Variants in BTBD2 observed in about 807,000 individuals in gnomAD.
The protein encoded by BTBD2 is BTB/POZ domain-containing protein 2.
A neutral mutation model predicts 44.0 loss-of-function variants in BTBD2; 15 were observed. That is an observed-to-expected ratio of 0.34 (90% confidence interval 0.23 to 0.53). The LOEUF is 0.53. Among genes scored for constraint, BTBD2 ranks in the 20% least tolerant of loss-of-function variants. The probability of loss-of-function intolerance (pLI) is 0.95; values close to 1 mark genes in which losing one functional copy is unlikely to be tolerated. For synonymous variants in BTBD2, 443 were observed against 335.9 expected (o/e 1.32, Z -3.49); for missense variants, 657 against 746.4 (o/e 0.88, Z 1.39).
At chr19:1,987,818 C>A (rs2016114133) in intron 5 of BTBD2, 126 bp from the exon 6 acceptor site, 2 of 1,006,386 alleles carry the variant, frequency 2.0e-6, no homozygotes, top group African/African-American at 3.3e-5. Context: ...ACCTGGGCAG[C>A]CCCTCCCCGG....
At chr19:2,004,471 AT>A (rs2016369340) in intron 1 of BTBD2, among the ~76,000 whole-genome samples, 1 of 151,368 alleles carries the variant, frequency 6.6e-6, no homozygotes, top group Non-Finnish European at 1.5e-5. Flanking sequence ...CTAATTCTGC[AT>A]TTTTAGTAGA....
chr19:1,990,950 AC>A, intron 3 of BTBD2, 128 bp from the exon 4 acceptor site: 1 of 814,902 alleles, frequency 1.2e-6, no homozygotes, highest in Non-Finnish European at 1.9e-6. Context: ...GCCAGGAGCC[AC>A]CAGGGTCTCA....
In BTBD2 at chr19:2,015,539, A is replaced by AGGGGCG. The variant is rs1294592897; in HGVS notation, c.159_164dup (p.Ala54_Pro55dup). The AGGGGCG allele has an allele frequency of 2.5e-5, 23 of 909,358 alleles. No individual in the cohort carries two copies. The highest frequency in any genetic ancestry group is 2.7e-5 in the Non-Finnish European group (22 of 800,430). 56.3% of individuals were successfully genotyped at this position (909,358 alleles called of 1,614,324 possible). A position where few individuals can be genotyped will look rare whatever the true frequency, so the allele number is the denominator to read the frequency against. On this transcript the variant is annotated inframe_insertion, in exon 1 of 9. Transcript: ENST00000255608. ...CCGGCGGGGCGGGCGGCGTCGGCCCAGGGGCGGCGGCGGCGGCGGCGGCGG... is the reference window on the plus strand; with the variant it reads ...CCGGCGGGGCGGGCGGCGTCGGCCCAGGGGCGGGGGCGGCGGCGGCGGCGGCGGCGG...
chr19:1,994,500 C>T (rs1172268967), intron 2 of BTBD2, among the ~76,000 whole-genome samples: 1 of 151,746 alleles, frequency 6.6e-6, no homozygotes, highest in Non-Finnish European at 1.5e-5. Context: ...GTGGCTCAGG[C>T]CTGTAATCCC....
chr19:2,015,645 G>A lies in BTBD2; in HGVS notation c.59C>T (p.Pro20Leu). ...GGGCCCGGGACTGCCCCCCGTGCCC[G>A]GGCCGACCCCGACCCCCGGCGGGCA... Reference protein sequence around the residue: ...ASCPPGVGVGPGTGGSPGPSA... With the variant: ...ASCPPGVGVGLGTGGSPGPSA... The change falls in exon 1 of 9, where the codon CCG (proline) becomes CTG (leucine). Residue 20 changes from proline to leucine, a missense_variant. Physicochemically the swap from Pro to Leu is moderately conservative, Grantham distance 98. Around this residue, in one of 3 missense-constraint regions of BTBD2, gnomAD observed 191 missense variants for 188.5 expected, o/e 1.01. Transcript: ENST00000255608. The A allele has an allele frequency of 1.0e-6, 1 of 993,356 alleles. No homozygotes were observed. The highest frequency in any genetic ancestry group is 1.2e-6 in the Non-Finnish European group (1 of 838,190). The allele number at this position is 993,356 out of a possible 1,614,324, so 61.5% of individuals were successfully genotyped here.
intron 1 of BTBD2, among the ~76,000 whole-genome samples, chr19:2,010,411 C>T (rs1394224735): frequency 2.0e-5 from 3 of 152,170 alleles, no homozygotes; most frequent in Non-Finnish European, 4.4e-5. Context: ...GCCTCCTCCC[C>T]AGCACAAACG....
At chr19:1,987,717 G>A (rs761011618) in intron 5 of BTBD2, 25 bp from the exon 6 acceptor site, 23 of 1,564,478 alleles carry the variant, frequency 1.5e-5, no homozygotes, top group Admixed American at 3.5e-5. Flanking sequence ...GGGTGTGGGG[G>A]AGGGCCGGGC....
intron 1 of BTBD2, among the ~76,000 whole-genome samples, chr19:2,004,676 CCT>C (rs72485590): frequency 0.22 from 33,181 of 151,214 alleles, 3,691 homozygotes; most frequent in East Asian, 0.28. Context: ...ATATATACCC[CCT>C]GAGTCGAAAA....
rs2016081749 is a variant in BTBD2, at chr19:1,986,407, G to A, written c.*81C>T. 6.4e-7 allele frequency: 1 copy of A among 1,559,692 alleles called. No individual in the cohort carries two copies. The highest frequency in any genetic ancestry group is 8.8e-7 in the Non-Finnish European group (1 of 1,140,152). On this transcript the variant is annotated 3_prime_UTR_variant, in exon 9 of 9. Coordinates refer to ENST00000255608, the MANE Select transcript of BTBD2 (RefSeq NM_017797.4). ...GGGACACTGGGCCTGGCACCGCGTGGTGGGGGGGCCCCAGCAGCAGATGAT... is the reference window on the plus strand; with the variant it reads ...GGGACACTGGGCCTGGCACCGCGTGATGGGGGGGCCCCAGCAGCAGATGAT...
At chr19:1,997,655 C>G (rs1370355485) in intron 1 of BTBD2, among the ~76,000 whole-genome samples, 192 bp from the exon 2 acceptor site, 2 of 152,208 alleles carry the variant, frequency 1.3e-5, no homozygotes, top group African/African-American at 4.8e-5. Context: ...GCAGACGGAC[C>G]CACGGCAAGG....
intron 2 of BTBD2, among the ~76,000 whole-genome samples, chr19:1,994,096 C>A (rs1295150795): frequency 1.4e-5 from 2 of 145,604 alleles, no homozygotes; most frequent in Non-Finnish European, 3.0e-5. Context: ...GCGGGCAGAT[C>A]ACTTGAGGCC....
intron 5 of BTBD2, among the ~76,000 whole-genome samples, chr19:1,988,935 G>A (rs926724483): frequency 1.3e-5 from 2 of 151,954 alleles, no homozygotes; most frequent in Admixed American, 6.6e-5. Flanking sequence ...TATTTTAAAT[G>A]GAGTTTCACT....
chr19:2,012,018 C>A (rs923942627), intron 1 of BTBD2, among the ~76,000 whole-genome samples: 1 of 151,986 alleles, frequency 6.6e-6, no homozygotes, highest in Admixed American at 6.6e-5. Context: ...CCACACCCGG[C>A]TAATTTTTTG....
rs533136276 is a variant in BTBD2 at position 1,990,906 on chromosome 19, T to C, written c.685-84A>G. 6.3e-5 allele frequency: 80 copies of C among 1,263,918 alleles called. No homozygotes were observed. The African/African-American group carries it at 8.2e-4, about 13-fold the overall frequency. 78.3% of individuals were successfully genotyped at this position (1,263,918 alleles called of 1,614,324 possible). A position where few individuals can be genotyped will look rare whatever the true frequency, so the allele number is the denominator to read the frequency against. Reference sequence around the variant, plus strand: ...ATCCCCAGTGCGGGGCCGGTTCAAATGCAGCCCTGACCACACGGGCCTTCC... The same window carrying C: ...ATCCCCAGTGCGGGGCCGGTTCAAACGCAGCCCTGACCACACGGGCCTTCC... On this transcript the variant is annotated intron_variant, in intron 3 of 8. Coordinates refer to ENST00000255608, the MANE Select transcript of BTBD2 (RefSeq NM_017797.4).
intron 1 of BTBD2, among the ~76,000 whole-genome samples, chr19:2,006,694 T>G (rs938434736): frequency 6.6e-6 from 1 of 151,844 alleles, no homozygotes; most frequent in Non-Finnish European, 1.5e-5. Context: ...AAATTAAGTT[T>G]TTTTTTTTTC....
rs1414448571 is a variant in BTBD2 at position 2,015,479 on chromosome 19, C to G, written c.225G>C (p.Glu75Asp). 3 of 1,238,272 alleles carry G rather than the reference C, an allele frequency of 2.4e-6. No individual in the cohort carries two copies. Among genetic ancestry groups the G allele is most frequent in the East Asian group, 3.5e-5 (1 of 28,350 alleles). The allele number at this position is 1,238,272 out of a possible 1,614,324, so 76.7% of individuals were successfully genotyped here. The part of the protein sequence containing the change: ...PGTDAQAAGA[E>D]RAEEAAGPGA... ...CCGGGCCCGCCGCCTCCTCCGCCCG[C>G]TCCGCGCCCGCGGCCTGCGCGTCTG... The change falls in exon 1 of 9, where the codon GAG becomes GAC. Residue 75 changes from glutamate (E) to aspartate (D), a missense_variant. Coordinates refer to ENST00000255608, the MANE Select transcript of BTBD2 (RefSeq NM_017797.4).
rs200143688 is a variant in BTBD2 at position 1,986,768 on chromosome 19, C to T, written c.1416+62G>A. On this transcript the variant is annotated intron_variant, in intron 8 of 8. Coordinates refer to ENST00000255608, the MANE Select transcript of BTBD2 (RefSeq NM_017797.4). Reference sequence around the variant, plus strand: ...TGCCTCTGGAGAGTGTGTGCTGTGCCCCGGTGGCTTCAGGATGGGCCAGAG... The same window carrying T: ...TGCCTCTGGAGAGTGTGTGCTGTGCTCCGGTGGCTTCAGGATGGGCCAGAG... 428 of 1,571,178 alleles carry T rather than the reference C, an allele frequency of 2.7e-4. 1 individual carries two copies. Among genetic ancestry groups the T allele is most frequent in the Non-Finnish European group, 6.9e-5 (80 of 1,158,102 alleles).
chr19:1,992,987 G>GGCC, intron 3 of BTBD2, 33 bp downstream of exon 3: 15 of 1,466,456 alleles, frequency 1.0e-5, no homozygotes, highest in Non-Finnish European at 1.3e-5. Flanking sequence ...GCCAGGCCTG[G>GGCC]CCCCGCCCCC....
chr19:2,012,999 C>A (rs890346473), intron 1 of BTBD2, among the ~76,000 whole-genome samples: 1 of 152,178 alleles, frequency 6.6e-6, no homozygotes, highest in African/African-American at 2.4e-5. Flanking sequence ...CCGCCCCTCA[C>A]TCCAAGCTAG....
Sources: allele counts gnomAD v4.1 joint callset (sites outside exome capture counted in the v4.1 genomes callset), GRCh38; gene constraint gnomAD v4.1.1; regional missense constraint gnomAD v4.1.1; transcripts MANE v1.5; gene names NCBI Gene and HGNC (gene_info 2026-07-23, HGNC 2026-07-21).